The following GPHN variants were observed in gnomAD, a reference collection of about 807,000 sequenced individuals.
The protein encoded by GPHN is gephyrin.
GPHN carries 17 observed loss-of-function variants against 95.5 expected under a neutral mutation model. The observed-to-expected ratio is 0.18, with a 90% CI of 0.12 to 0.27. The LOEUF (loss-of-function observed/expected upper bound fraction) is 0.27. GPHN is among the 10% of genes least tolerant of loss of function. The pLI, the probability that GPHN is intolerant of heterozygous loss-of-function variation, is 1.00. For missense variants in GPHN, 660 were observed against 978.1 expected (o/e 0.67, Z 4.34); for synonymous variants, 320 against 322.5 (o/e 0.99, Z 0.08).
chr14:67,073,361 G>A (rs1423357424), intron 11 of GPHN, among the ~76,000 whole-genome samples: 4 of 152,086 alleles, frequency 2.6e-5, no homozygotes, highest in Non-Finnish European at 4.4e-5. Context: ...TGACCAGGGT[G>A]TGGCAAGGTT....
the GPHN span, chr14:67,349,102 G>A: frequency 6.2e-7 from 1 of 1,613,784 alleles, no homozygotes; most frequent in Non-Finnish European, 8.5e-7. Context: ...GATAACTGTA[G>A]TGCTGCAGAA....
intron 1 of GPHN, among the ~76,000 whole-genome samples, chr14:66,671,237 G>A (rs757771195): frequency 3.9e-5 from 6 of 152,020 alleles, no homozygotes; most frequent in South Asian, 2.1e-4. Flanking sequence ...TTAGGTTTTC[G>A]TGCCTTTGAG....
chr14:67,726,626 C>T, the GPHN span, among the ~76,000 whole-genome samples: 2 of 152,188 alleles, frequency 1.3e-5, no homozygotes, highest in South Asian at 4.1e-4. Context: ...TTTTCTGATC[C>T]TAAGCAAATG....
intron 16 of GPHN, among the ~76,000 whole-genome samples, chr14:67,118,655 G>C (rs1439329799): frequency 6.6e-6 from 1 of 151,994 alleles, no homozygotes; most frequent in African/African-American, 2.4e-5. Flanking sequence ...GTGAACCCGG[G>C]AGGCGGAGCT....
rs79047665 is a variant in GPHN at position 66,866,145 on chromosome 14, A to G, written c.295-13794A>G. Among the ~76,000 whole-genome samples, 36 of 152,282 alleles carry G rather than the reference A, an allele frequency of 2.4e-4. No individual in the cohort carries two copies. The East Asian group carries it at 6.6e-3, about 28-fold the overall frequency. On this transcript the variant is annotated intron_variant, in intron 4 of 22. Coordinates refer to ENST00000478722, the MANE Select transcript of GPHN (RefSeq NM_020806.5). ...GCCTGTTGTCCAAACCTGAAAAACAATCCCAATCCTAGGGTGTATAGTATT... is the reference window on the plus strand; with the variant it reads ...GCCTGTTGTCCAAACCTGAAAAACAGTCCCAATCCTAGGGTGTATAGTATT...
chr14:67,209,118 C>G, the GPHN span, among the ~76,000 whole-genome samples: 5 of 152,122 alleles, frequency 3.3e-5, no homozygotes, highest in African/African-American at 1.2e-4. Flanking sequence ...AAGTAATTTT[C>G]AATGGCAGAG....
chr14:67,657,526 C>G, the GPHN span, among the ~76,000 whole-genome samples: 1 of 152,034 alleles, frequency 6.6e-6, no homozygotes, highest in Non-Finnish European at 1.5e-5. Flanking sequence ...CCTTGTCAGG[C>G]CAGAATTAAC....
chr14:67,589,326 T>C, the GPHN span: 2 of 979,762 alleles, frequency 2.0e-6, no homozygotes, highest in African/African-American at 3.5e-5. Flanking sequence ...TATTTGCTTA[T>C]TTATTCTTTG....
intron 9 of GPHN, among the ~76,000 whole-genome samples, chr14:66,982,357 G>GA (rs896400533): frequency 3.3e-5 from 5 of 151,452 alleles, no homozygotes; most frequent in South Asian, 2.1e-4. Flanking sequence ...CAAATTCTTG[G>GA]AAAAAAAAGT....
intron 5 of GPHN, among the ~76,000 whole-genome samples, chr14:66,907,631 A>G (rs2153553339): frequency 6.6e-6 from 1 of 152,288 alleles, no homozygotes. Flanking sequence ...AATGCATTAC[A>G]AAATAAATAA....
chr14:67,704,287 C>T, the GPHN span, among the ~76,000 whole-genome samples: 1 of 152,100 alleles, frequency 6.6e-6, no homozygotes. Flanking sequence ...GAGAAAGCCT[C>T]CTAAATCATT....
chr14:67,108,335 T>C lies in GPHN; in HGVS notation c.1294-1805T>C, dbSNP rs141718405. Among the ~76,000 whole-genome samples, 319 of 152,296 alleles carry C rather than the reference T, an allele frequency of 2.1e-3. 1 individual carries two copies. The highest frequency in any genetic ancestry group is 7.2e-3 in the African/African-American group (300 of 41,580). ...ACTTTTCTGTCTCTCTCCTACCCTC[T>C]ACATCTCTTACTGACCCCTCCCTTT... On this transcript the variant is annotated intron_variant, in intron 13 of 22. Transcript: ENST00000478722.
At chr14:66,596,495 C>A (rs909648523) in intron 1 of GPHN, among the ~76,000 whole-genome samples, 14 of 152,296 alleles carry the variant, frequency 9.2e-5, no homozygotes, top group Non-Finnish European at 1.9e-4. Context: ...CCCCTGTCAG[C>A]CTTTCTCCCA....
At chr14:67,732,710 G>T in the GPHN span, among the ~76,000 whole-genome samples, 1 of 152,092 alleles carries the variant, frequency 6.6e-6, no homozygotes, top group Non-Finnish European at 1.5e-5. Flanking sequence ...CCAAGTAGCT[G>T]GGATTACGGG....
intron 2 of GPHN, among the ~76,000 whole-genome samples, chr14:66,689,124 A>C (rs1330319337): frequency 6.6e-6 from 1 of 152,188 alleles, no homozygotes; most frequent in Non-Finnish European, 1.5e-5. Context: ...TCCAGAACTT[A>C]GAGGAAAAGC....
chr14:66,649,693 C>T (rs568090285), intron 1 of GPHN, among the ~76,000 whole-genome samples: 2 of 152,282 alleles, frequency 1.3e-5, no homozygotes, highest in African/African-American at 4.8e-5. Context: ...TTAACATTAG[C>T]AGAGAGGTTT....
the GPHN span, among the ~76,000 whole-genome samples, chr14:67,710,796 C>A: frequency 6.6e-6 from 1 of 151,664 alleles, no homozygotes. Context: ...AATGAAATAT[C>A]TATTATCTAA....
At chr14:66,784,393 T>C (rs2059703467) in intron 3 of GPHN, among the ~76,000 whole-genome samples, 1 of 151,954 alleles carries the variant, frequency 6.6e-6, no homozygotes, top group Non-Finnish European at 1.5e-5. Context: ...AGAAAACCAC[T>C]CTGAAAGAGT....
intron 4 of GPHN, among the ~76,000 whole-genome samples, chr14:66,826,897 A>T (rs1427794331): frequency 6.6e-6 from 1 of 152,116 alleles, no homozygotes; most frequent in Non-Finnish European, 1.5e-5. Context: ...GCTCATAATA[A>T]CTTAGTCTTT....
Sources: gnomAD v4.1 joint callset for allele counts (sites outside exome capture counted in the v4.1 genomes callset) on GRCh38, gnomAD v4.1.1 for gene constraint, MANE v1.5 for transcripts, NCBI Gene and HGNC (gene_info 2026-07-23, HGNC 2026-07-21) for gene names.